GRIA2: variants seen among roughly 807,000 people sequenced by gnomAD.
GRIA2 encodes the protein glutamate ionotropic receptor AMPA type subunit 2.
A neutral mutation model predicts 97.3 loss-of-function variants in GRIA2; 14 were observed. The observed-to-expected ratio is 0.14, with a 90% CI of 0.10 to 0.23. The LOEUF (loss-of-function observed/expected upper bound fraction) is 0.23, where lower values mean the gene tolerates loss of function less well. GRIA2 is among the 10% of genes least tolerant of loss of function. The probability of loss-of-function intolerance (pLI) is 1.00; values close to 1 mark genes in which losing one functional copy is unlikely to be tolerated. For synonymous variants in GRIA2, 412 were observed against 387.8 expected (o/e 1.06, Z -0.73); for missense variants, 558 against 1,069.8 (o/e 0.52, Z 6.67).
At chr4:157,279,730 G>A (rs1732508665) in intron 2 of GRIA2, among the ~76,000 whole-genome samples, 1 of 152,044 alleles carries the variant, frequency 6.6e-6, no homozygotes, top group Non-Finnish European at 1.5e-5. Flanking sequence ...AATTATCAAT[G>A]TATTTAGGAA....
intron 2 of GRIA2, among the ~76,000 whole-genome samples, chr4:157,253,538 A>T (rs972499582): frequency 6.6e-6 from 1 of 152,138 alleles, no homozygotes; most frequent in Non-Finnish European, 1.5e-5. Flanking sequence ...AAACTGTTTG[A>T]GAACTGCTAT....
chr4:157,296,724 C>T (rs1384379376), intron 2 of GRIA2, among the ~76,000 whole-genome samples: 1 of 151,964 alleles, frequency 6.6e-6, no homozygotes, highest in Non-Finnish European at 1.5e-5. Context: ...TGATGGAGTT[C>T]ATAATTAGGG....
Position 157,365,316 on chromosome 4 carries a change from T to C in GRIA2, c.*1885T>C. 1 of 151,958 alleles carries C rather than the reference T, an allele frequency of 6.6e-6. No homozygotes were observed. 9.4% of individuals were successfully genotyped at this position (151,958 alleles called of 1,614,324 possible). The stretch of plus-strand genomic sequence containing the variant: ...CTCATCAGGAATGCTGGAGGTGCAT[T>C]TTAAGTTTTAATAATAAGTGCTAGA... On this transcript the variant is annotated 3_prime_UTR_variant, in exon 16 of 16. Coordinates refer to ENST00000264426, the MANE Select transcript of GRIA2 (RefSeq NM_001083619.3).
chr4:157,304,899 C>A (rs1279978502), intron 3 of GRIA2, among the ~76,000 whole-genome samples: 2 of 152,024 alleles, frequency 1.3e-5, no homozygotes, highest in Non-Finnish European at 2.9e-5. Context: ...TCTGCCCTGT[C>A]CTCCTAATCC....
At chr4:157,244,397 C>G (rs902787047) in intron 2 of GRIA2, among the ~76,000 whole-genome samples, 5 of 151,984 alleles carry the variant, frequency 3.3e-5, no homozygotes, top group Admixed American at 1.3e-4. Context: ...ATCTTAACCC[C>G]CTACCTCCTT....
At chr4:157,295,904 T>G (rs867166705) in intron 2 of GRIA2, among the ~76,000 whole-genome samples, 53 of 152,316 alleles carry the variant, frequency 3.5e-4, no homozygotes, top group Middle Eastern at 3.4e-3. Flanking sequence ...AACAATTTAT[T>G]TCAATTATGT....
rs1427516697 is a variant in GRIA2 at position 157,322,240 on chromosome 4, A to AGTGT, written c.882+642_882+643insTGTG. On this transcript the variant is annotated intron_variant, in intron 6 of 15. Transcript: ENST00000264426. ...GAGAGAGAGTGAGAAAGAGAGAGAGAGAGTGTGTGTGTGTGTGTGTGTGTG... is the reference window on the plus strand; with the variant it reads ...GAGAGAGAGTGAGAAAGAGAGAGAGAGTGTGAGTGTGTGTGTGTGTGTGTGTGTG... Among the ~76,000 whole-genome samples the AGTGT allele has an allele frequency of 4.8e-4, 58 of 120,564 alleles. No homozygotes were observed. In the East Asian group the frequency reaches 8.5e-3, roughly 18 times the overall value. 79.1% of individuals were successfully genotyped at this position (120,564 alleles called of 152,430 possible).
intron 2 of GRIA2, among the ~76,000 whole-genome samples, chr4:157,297,492 C>G (rs748528567): frequency 6.6e-6 from 1 of 152,154 alleles, no homozygotes; most frequent in Non-Finnish European, 1.5e-5. Context: ...TAATACTTCC[C>G]TGTCCCACAA....
intron 6 of GRIA2, among the ~76,000 whole-genome samples, chr4:157,330,015 A>G (rs1182868703): frequency 6.6e-6 from 1 of 151,940 alleles, no homozygotes. Context: ...AATTGGAATA[A>G]AAACAGTGGT....
intron 2 of GRIA2, among the ~76,000 whole-genome samples, chr4:157,287,718 T>G (rs1732908451): frequency 6.6e-6 from 1 of 151,452 alleles, no homozygotes; most frequent in African/African-American, 2.4e-5. Context: ...TTTTTTTATT[T>G]CATCCCCTTG....
intron 2 of GRIA2, among the ~76,000 whole-genome samples, chr4:157,228,790 C>CAAAAAA (rs5863257): frequency 2.5e-5 from 1 of 39,742 alleles, no homozygotes. Context: ...GATTCCATCT[C>CAAAAAA]AAAAAAAAAA....
chr4:157,261,207 G>A (rs1731516785), intron 2 of GRIA2, among the ~76,000 whole-genome samples: 1 of 152,066 alleles, frequency 6.6e-6, no homozygotes, highest in Non-Finnish European at 1.5e-5. Context: ...TAGAGCTTGT[G>A]CAGGGGAACT....
chr4:157,245,496 C>A (rs1208016107), intron 2 of GRIA2, among the ~76,000 whole-genome samples: 1 of 151,522 alleles, frequency 6.6e-6, no homozygotes, highest in Non-Finnish European at 1.5e-5. Context: ...GAATTAAGAC[C>A]AGGTTTTTTT....
chr4:157,303,854 T>A lies in GRIA2; in HGVS notation c.469+63T>A, dbSNP rs1273399542. On this transcript the variant is annotated intron_variant, in intron 3 of 15. Transcript: ENST00000264426. ...ATTCAATGCCTACACTTGACACTTC[T>A]ATGGATGTTATAAAGCTACAAAGGT... 5.0e-5 allele frequency: 76 copies of A among 1,513,028 alleles called. No individual in the cohort carries two copies. In the East Asian group the frequency reaches 1.7e-3, roughly 34 times the overall value. The allele number at this position is 1,513,028 out of a possible 1,614,324, so 93.7% of individuals were successfully genotyped here.
chr4:157,306,544 A>T (rs964998245), intron 3 of GRIA2, among the ~76,000 whole-genome samples: 1 of 152,164 alleles, frequency 6.6e-6, no homozygotes, highest in African/African-American at 2.4e-5. Context: ...GACCTTATGG[A>T]TATATTTTCA....
At chr4:157,351,845 C>T (rs1736024063) in intron 12 of GRIA2, among the ~76,000 whole-genome samples, 1 of 152,206 alleles carries the variant, frequency 6.6e-6, no homozygotes, top group Non-Finnish European at 1.5e-5. Context: ...TCCCTTTTGA[C>T]TTTCACCACA....
intron 2 of GRIA2, among the ~76,000 whole-genome samples, chr4:157,280,641 A>G (rs1372479153): frequency 1.3e-5 from 2 of 151,854 alleles, no homozygotes; most frequent in Non-Finnish European, 2.9e-5. Flanking sequence ...GCGTGCATGT[A>G]TACGTGTTTC....
chr4:157,220,146 T>C (rs1427115367), upstream of GRIA2: 1 of 152,114 alleles, frequency 6.6e-6, no homozygotes, highest in Non-Finnish European at 1.5e-5. Context: ...CTGGGTCAGG[T>C]GAGGAGGATG....
intron 2 of GRIA2, among the ~76,000 whole-genome samples, chr4:157,245,411 A>C (rs985297648): frequency 6.6e-6 from 1 of 152,096 alleles, no homozygotes; most frequent in African/African-American, 2.4e-5. Context: ...ATTCAAAGGA[A>C]TAGAGTCCAA....
Sources: allele counts gnomAD v4.1 joint callset (sites outside exome capture counted in the v4.1 genomes callset), GRCh38; gene constraint gnomAD v4.1.1; transcripts MANE v1.5; gene names NCBI Gene and HGNC (gene_info 2026-07-23, HGNC 2026-07-21).